UGT1A10: variants seen among roughly 807,000 people sequenced by gnomAD.
UGT1A10 encodes UDP glucuronosyltransferase family 1 member A10.
In UGT1A10, 49 loss-of-function variants were observed where a neutral mutation model predicts 45.8. The ratio of observed to expected loss-of-function variants is 1.07; its 90% CI spans 0.85 to 1.36. UGT1A10 has a LOEUF of 1.36. UGT1A10 is among the 40% of genes most tolerant of loss of function. The pLI, the probability that UGT1A10 is intolerant of heterozygous loss-of-function variation, is 0.00. For synonymous variants in UGT1A10, 284 were observed against 249.7 expected (o/e 1.14, Z -1.29); for missense variants, 745 against 668.6 (o/e 1.11, Z -1.26).
In UGT1A10 at chr2:233,682,559, T is replaced by C. The variant is rs11692021; in HGVS notation, c.855+45182T>C. On this transcript the variant is annotated intron_variant, in intron 1 of 4. Coordinates refer to ENST00000344644, the MANE Select transcript of UGT1A10 (RefSeq NM_019075.4). ...CGCCATGACTTTCAAGGAGAGAGTA[T>C]GGAACCACATCATGCACTTGGAGGA... 0.37 allele frequency: 603,685 copies of C among 1,613,636 alleles called. 115,745 individuals are homozygous for C. Among genetic ancestry groups the C allele is most frequent in the South Asian group, 0.41 (37,459 of 91,054 alleles).
intron 1 of UGT1A10, among the ~76,000 whole-genome samples, chr2:233,671,389 G>A (rs889662360): frequency 6.6e-6 from 1 of 152,204 alleles, no homozygotes; most frequent in African/African-American, 2.4e-5. Flanking sequence ...GTTTGGAAAT[G>A]GAAGAAGAGA....
At chr2:233,755,366 T>C in intron 1 of UGT1A10, 1 of 363,028 alleles carries the variant, frequency 2.8e-6, no homozygotes, top group East Asian at 7.5e-5. Context: ...CTGGGCCGCC[T>C]GGAGGGCCGC....
intron 1 of UGT1A10, among the ~76,000 whole-genome samples, chr2:233,669,723 G>T (rs537023205): frequency 1.3e-4 from 20 of 152,016 alleles, no homozygotes; most frequent in East Asian, 1.2e-3. Context: ...GTGCTGTTTT[G>T]CCCGGGCTGG....
At chr2:233,674,073 C>G (rs536314636) in intron 1 of UGT1A10, among the ~76,000 whole-genome samples, 2 of 152,104 alleles carry the variant, frequency 1.3e-5, no homozygotes, top group African/African-American at 2.4e-5. Context: ...CACCTAATGT[C>G]TAATCTCAGT....
intron 1 of UGT1A10, chr2:233,760,456 A>T (rs1341101614): frequency 6.2e-7 from 1 of 1,614,230 alleles, no homozygotes; most frequent in Non-Finnish European, 8.5e-7. Flanking sequence ...GGGACATGAA[A>T]TAGTTGTCCT....
intron 1 of UGT1A10, among the ~76,000 whole-genome samples, chr2:233,727,284 G>C (rs1269402383): frequency 2.6e-5 from 4 of 152,162 alleles, no homozygotes; most frequent in Non-Finnish European, 5.9e-5. Flanking sequence ...GACCCTGGAA[G>C]CTGATGACTT....
chr2:233,724,959 G>A (rs563380533), intron 1 of UGT1A10, among the ~76,000 whole-genome samples: 3 of 142,486 alleles, frequency 2.1e-5, no homozygotes, highest in African/African-American at 8.2e-5. Context: ...CACCTCGGGA[G>A]GCCGAGGTTG....
chr2:233,744,469 A>G (rs965200544), intron 1 of UGT1A10, among the ~76,000 whole-genome samples: 1 of 151,962 alleles, frequency 6.6e-6, no homozygotes, highest in African/African-American at 2.4e-5. Flanking sequence ...AGAATTAAAA[A>G]GACATATTAA....
chr2:233,673,373 C>G (rs1253792522), intron 1 of UGT1A10, among the ~76,000 whole-genome samples: 2 of 151,950 alleles, frequency 1.3e-5, no homozygotes, highest in African/African-American at 4.8e-5. Flanking sequence ...AGTTTTTAAC[C>G]AATTAATATT....
chr2:233,702,042 A>T (rs1306276715), intron 1 of UGT1A10, among the ~76,000 whole-genome samples: 3 of 152,222 alleles, frequency 2.0e-5, no homozygotes, highest in South Asian at 2.1e-4. Context: ...CCCTTCAAAA[A>T]ATTAACAATT....
At chr2:233,649,302 A>G (rs936515538) in intron 1 of UGT1A10, among the ~76,000 whole-genome samples, 4 of 152,136 alleles carry the variant, frequency 2.6e-5, no homozygotes, top group Non-Finnish European at 5.9e-5. Flanking sequence ...CCCTGGCTAG[A>G]CTCAAACTCC....
intron 1 of UGT1A10, among the ~76,000 whole-genome samples, chr2:233,694,660 A>G (rs534591293): frequency 3.3e-5 from 5 of 152,152 alleles, no homozygotes; most frequent in Non-Finnish European, 7.3e-5. Context: ...TTTTTATCAG[A>G]GAGAAAGCCT....
Position 233,772,346 on chromosome 2 carries a change from G to C in UGT1A10, c.1380G>C (p.Glu460Asp), listed in dbSNP as rs115944950. ...TGGACCTGGCCGTGTTCTGGGTGGA[G>C]TTTGTGATGAGGCACAAGGGCGCGC... ...EPLDLAVFWVEFVMRHKGAPH... is the reference protein window; with the variant it reads ...EPLDLAVFWVDFVMRHKGAPH... Residue 460 changes from glutamate (E) to aspartate (D), a missense_variant, in exon 5 of 5, where the codon GAG (glutamate) becomes GAC (aspartate). Coordinates refer to ENST00000344644, the MANE Select transcript of UGT1A10 (RefSeq NM_019075.4). 30 of 1,614,132 alleles carry C rather than the reference G, an allele frequency of 1.9e-5. No individual in the cohort carries two copies. In the East Asian group the frequency reaches 6.5e-4, roughly 35 times the overall value.
Position 233,646,110 on chromosome 2 carries a change from C to T in UGT1A10, c.855+8733C>T, listed in dbSNP as rs140014513. 5.1e-3 allele frequency among the ~76,000 whole-genome samples: 782 copies of T among 152,330 alleles called. 7 individuals carry two copies. The highest frequency in any genetic ancestry group is 0.017 in the African/African-American group (697 of 41,580). The stretch of plus-strand genomic sequence containing the variant: ...ACCCCACATGGAAGCTGCCAAGGCT[C>T]GGCACTTGCACCTTCTGAAGCCATG... On this transcript the variant is annotated intron_variant, in intron 1 of 4. Transcript: ENST00000344644.
chr2:233,687,125 T>A (rs1442765232), intron 1 of UGT1A10, among the ~76,000 whole-genome samples: 5 of 152,224 alleles, frequency 3.3e-5, no homozygotes, highest in African/African-American at 1.2e-4. Context: ...AAACTCAGCG[T>A]TATCTAGATT....
At chr2:233,768,584 T>C (rs1699663282) in intron 4 of UGT1A10, 145 bp downstream of exon 4, 3 of 86,896 alleles carry the variant, frequency 3.5e-5, no homozygotes, top group Non-Finnish European at 4.3e-5. Flanking sequence ...TATTTCTTCT[T>C]TTTTTTTTTT....
intron 1 of UGT1A10, among the ~76,000 whole-genome samples, chr2:233,761,536 A>G (rs1039884807): frequency 6.6e-6 from 1 of 152,248 alleles, no homozygotes; most frequent in Non-Finnish European, 1.5e-5. Context: ...TGATGAAATC[A>G]TTCTTTGATG....
chr2:233,734,619 T>A (rs1463316378), intron 1 of UGT1A10, among the ~76,000 whole-genome samples: 1 of 152,238 alleles, frequency 6.6e-6, no homozygotes, highest in African/African-American at 2.4e-5. Flanking sequence ...GTGTTGATTT[T>A]AGATCTTTCC....
Position 233,637,300 on chromosome 2 carries a change from G to A in UGT1A10, c.778G>A (p.Asp260Asn). The A allele has an allele frequency of 6.2e-7, 1 of 1,613,900 alleles. No individual in the cohort carries two copies. The highest frequency in any genetic ancestry group is 1.1e-5 in the South Asian group (1 of 91,066). ...GTTGTTGCGAACGGACTTTGTTTTG[G>A]ACTATCCCAAACCCGTGATGCCCAA... ...IWLLRTDFVLDYPKPVMPNMI... is the reference protein window; with the variant it reads ...IWLLRTDFVLNYPKPVMPNMI... Residue 260 changes from aspartate (D) to asparagine (N), a missense_variant, in exon 1 of 5, where the codon GAC becomes AAC. Asp to Asn is a conservative substitution (Grantham distance 23). Coordinates refer to ENST00000344644, the MANE Select transcript of UGT1A10 (RefSeq NM_019075.4).
Sources: gnomAD v4.1 joint callset for allele counts (sites outside exome capture counted in the v4.1 genomes callset) on GRCh38, gnomAD v4.1.1 for gene constraint, MANE v1.5 for transcripts, NCBI Gene and HGNC (gene_info 2026-07-23, HGNC 2026-07-21) for gene names.